The following LRRC37A2 variants were observed in gnomAD, a reference collection of about 807,000 sequenced individuals.
The protein encoded by LRRC37A2 is leucine rich repeat containing 37 member A2.
Under a neutral mutation model 68.8 loss-of-function variants are expected in LRRC37A2, and 9 were observed. That is an observed-to-expected ratio of 0.13 (90% CI 0.08 to 0.23). LRRC37A2 has a LOEUF of 0.23. LRRC37A2 is among the 10% of genes least tolerant of loss of function. The pLI is 1.00. For missense variants in LRRC37A2, 168 were observed against 950.4 expected (o/e 0.18, Z 10.82); for synonymous variants, 63 against 367.6 (o/e 0.17, Z 9.48).
the LRRC37A2 span, among the ~76,000 whole-genome samples, chr17:46,732,348 C>T: frequency 4.0e-5 from 6 of 151,542 alleles, no homozygotes; most frequent in Admixed American, 6.6e-5. Flanking sequence ...CTCCTTCCAC[C>T]CCTCCCCCAC....
At chr17:46,466,998 G>T in the LRRC37A2 span, among the ~76,000 whole-genome samples, 1 of 90,782 alleles carries the variant, frequency 1.1e-5, no homozygotes, top group Non-Finnish European at 2.3e-5. Flanking sequence ...GGGAAAACTG[G>T]CTAGCCATAT....
chr17:46,962,288 C>T, the LRRC37A2 span, among the ~76,000 whole-genome samples: 1 of 151,078 alleles, frequency 6.6e-6, no homozygotes, highest in Non-Finnish European at 1.5e-5. Flanking sequence ...GAGATTGCGC[C>T]ACTGCACTCC....
chr17:46,718,281 C>G, the LRRC37A2 span, among the ~76,000 whole-genome samples: 67 of 152,284 alleles, frequency 4.4e-4, 1 homozygote, highest in South Asian at 0.014. Flanking sequence ...TCGAGGGCAC[C>G]CTGCCATACT....
At chr17:46,836,095 C>CGTGTGTGTGCGTGT in the LRRC37A2 span, among the ~76,000 whole-genome samples, 1 of 126,434 alleles carries the variant, frequency 7.9e-6, no homozygotes, top group African/African-American at 3.2e-5. Context: ...GAGACGCTGA[C>CGTGTGTGTGCGTGT]GTGTGTGTGT....
the LRRC37A2 span, among the ~76,000 whole-genome samples, chr17:46,489,532 C>T: frequency 2.7e-5 from 4 of 148,538 alleles, no homozygotes; most frequent in African/African-American, 7.8e-5. Flanking sequence ...GTCACCCAGG[C>T]GGGAATACAG....
chr17:46,550,897 G>T (rs1256480575), intron 11 of LRRC37A2, among the ~76,000 whole-genome samples: 2 of 147,746 alleles, frequency 1.4e-5, no homozygotes, highest in East Asian at 2.0e-4. Flanking sequence ...CCCTCACGGA[G>T]TTGTCATCAC....
chr17:46,516,529 G>A (rs980691975), intron 2 of LRRC37A2, among the ~76,000 whole-genome samples: 3 of 146,040 alleles, frequency 2.1e-5, no homozygotes, highest in South Asian at 4.2e-4. Flanking sequence ...CTAGGCAAAC[G>A]CATGGCTACA....
At chr17:46,676,301 C>T in the LRRC37A2 span, among the ~76,000 whole-genome samples, 11 of 137,696 alleles carry the variant, frequency 8.0e-5, no homozygotes, top group African/African-American at 3.0e-4. Context: ...GGCGTGATCT[C>T]GGCTCACCAC....
At chr17:46,875,440 C>CCA in the LRRC37A2 span, 1 of 1,468,608 alleles carries the variant, frequency 6.8e-7, no homozygotes, top group Non-Finnish European at 9.0e-7. Context: ...TTGAAGGAGG[C>CCA]CAGCACCCCA....
At position 46,549,108 on chromosome 17, in the gene LRRC37A2, G is replaced by A. The variant is rs1357454838; in HGVS notation, c.3969G>A (p.Lys1323=). The change falls in exon 10 of 15, where the codon AAG becomes AAA. Residue 1323 remains lysine (K), a synonymous_variant. Transcript: ENST00000576629. ...CCCACAGAACACCCAAAGTCAAAAAGAGTCCAAAGGTCAGAAAGAAAAGTT... is the reference window on the plus strand; with the variant it reads ...CCCACAGAACACCCAAAGTCAAAAAAAGTCCAAAGGTCAGAAAGAAAAGTT... 9.9e-6 allele frequency: 16 copies of A among 1,611,688 alleles called. 3 individuals carry two copies. In the African/African-American group the frequency reaches 2.0e-4, roughly 21 times the overall value.
intron 11 of LRRC37A2, among the ~76,000 whole-genome samples, chr17:46,552,944 A>G (rs2056935320): frequency 7.0e-6 from 1 of 143,458 alleles, no homozygotes; most frequent in Non-Finnish European, 1.5e-5. Context: ...AGTCTCAGCT[A>G]CTCAAGAGGC....
chr17:46,845,485 A>ATTTTTT, the LRRC37A2 span, among the ~76,000 whole-genome samples: 1 of 121,382 alleles, frequency 8.2e-6, no homozygotes, highest in African/African-American at 3.1e-5. Flanking sequence ...AGTTATCTGA[A>ATTTTTT]TTTTTTTTTT....
At chr17:46,752,018 T>G in the LRRC37A2 span, among the ~76,000 whole-genome samples, 2 of 152,164 alleles carry the variant, frequency 1.3e-5, no homozygotes, top group Non-Finnish European at 2.9e-5. Context: ...GCACCTCAAG[T>G]CAGTAAGCGA....
At chr17:46,997,899 G>A in the LRRC37A2 span, among the ~76,000 whole-genome samples, 1 of 151,656 alleles carries the variant, frequency 6.6e-6, no homozygotes, top group Non-Finnish European at 1.5e-5. Context: ...GAACCCAGGA[G>A]GCAGAGGTTG....
the LRRC37A2 span, among the ~76,000 whole-genome samples, chr17:46,737,804 G>T: frequency 2.6e-5 from 4 of 152,008 alleles, no homozygotes; most frequent in African/African-American, 9.7e-5. Flanking sequence ...CTTGAAAGAT[G>T]AGTAAAAGGG....
At chr17:46,943,426 C>T in the LRRC37A2 span, among the ~76,000 whole-genome samples, 1 of 152,214 alleles carries the variant, frequency 6.6e-6, no homozygotes, top group Non-Finnish European at 1.5e-5. Context: ...TCAGAACATG[C>T]CACACACTCA....
At chr17:46,801,246 G>A in the LRRC37A2 span, among the ~76,000 whole-genome samples, 12 of 152,194 alleles carry the variant, frequency 7.9e-5, no homozygotes, top group African/African-American at 2.9e-4. Flanking sequence ...GCGGGTGCAG[G>A]GCGGCAGGGG....
chr17:46,932,729 T>A, the LRRC37A2 span: 1 of 193,956 alleles, frequency 5.2e-6, no homozygotes, highest in African/African-American at 2.4e-5. Flanking sequence ...GAAAGTGTGT[T>A]GGTTTGCATG....
the LRRC37A2 span, among the ~76,000 whole-genome samples, chr17:46,912,380 G>T: frequency 1.7e-4 from 26 of 152,202 alleles, no homozygotes; most frequent in African/African-American, 4.1e-4. Flanking sequence ...TGCTGGTAGG[G>T]GTCCAGCTCC....
Sources: allele counts gnomAD v4.1 joint callset (sites outside exome capture counted in the v4.1 genomes callset), GRCh38; gene constraint gnomAD v4.1.1; transcripts MANE v1.5; gene names NCBI Gene and HGNC (gene_info 2026-07-23, HGNC 2026-07-21).